Variants in ZNF479 observed in about 807,000 individuals in gnomAD.
The protein encoded by ZNF479 is KRAB zinc finger protein KR19.
A neutral mutation model predicts 14.7 loss-of-function variants in ZNF479; 15 were observed. That is an observed-to-expected ratio of 1.02 (90% confidence interval 0.68 to 1.57). The LOEUF is 1.57. Among genes scored for constraint, ZNF479 ranks in the 40% most tolerant of loss-of-function variants. The pLI is 0.00. For synonymous variants in ZNF479, 145 were observed against 211.5 expected, an observed-to-expected ratio of 0.69 and a Z score of 2.73; for missense variants, 506 against 615.1, an observed-to-expected ratio of 0.82 and a Z score of 1.88.
intron 3 of ZNF479, among the ~76,000 whole-genome samples, chr7:57,122,985 AAATC>A (rs1271266133): frequency 2.0e-5 from 3 of 152,310 alleles, no homozygotes; most frequent in East Asian, 1.9e-4. Context: ...TTTAAATAAA[AAATC>A]AATTAAAAAA....
upstream of ZNF479, among the ~76,000 whole-genome samples, chr7:57,133,528 A>G (rs1354741853): frequency 6.6e-6 from 1 of 152,216 alleles, no homozygotes; most frequent in Non-Finnish European, 1.5e-5. Flanking sequence ...TATAAGCCAC[A>G]TGTAAATTTT....
intron 1 of ZNF479, chr7:57,139,547 C>G (rs1583957840): frequency 6.6e-6 from 1 of 152,186 alleles, no homozygotes; most frequent in Non-Finnish European, 1.5e-5. Flanking sequence ...ATTTTCCCAG[C>G]CTCTGATTAA....
intron 1 of ZNF479, among the ~76,000 whole-genome samples, chr7:57,129,838 CAT>C (rs759017351): frequency 1.3e-5 from 2 of 152,034 alleles, no homozygotes; most frequent in African/African-American, 2.4e-5. Flanking sequence ...TACAAAAAAA[CAT>C]GTGAAAGGAT....
chr7:57,121,210 T>C (rs1320631222), intron 3 of ZNF479, 58 bp from the exon 4 acceptor site: 7 of 1,608,966 alleles, frequency 4.4e-6, no homozygotes, highest in Non-Finnish European at 5.9e-6. Flanking sequence ...AAATATATTC[T>C]ACACATGAAA....
At chr7:57,127,776 T>C (rs1193478299) in intron 1 of ZNF479, among the ~76,000 whole-genome samples, 2 of 152,036 alleles carry the variant, frequency 1.3e-5, no homozygotes, top group Non-Finnish European at 1.5e-5. Context: ...AAAAATGTCA[T>C]AGAGATCTTG....
In ZNF479 at chr7:57,118,994, T is replaced by C. The variant is rs1428883734; in HGVS notation, c.*846A>G. Among the ~76,000 whole-genome samples, 1 of 152,216 alleles carries C rather than the reference T, an allele frequency of 6.6e-6. No homozygotes were observed. The highest frequency in any genetic ancestry group is 1.5e-5 in the Non-Finnish European group (1 of 68,044). ...TTAAATGCTCTGTCACATTTTTATG[T>C]AAGCAGAGTTTCTCTCCAGTATAAA... On this transcript the variant is annotated 3_prime_UTR_variant, in exon 4 of 4. Transcript: ENST00000319636.
chr7:57,128,854 G>A (rs898289858), intron 1 of ZNF479, among the ~76,000 whole-genome samples: 2 of 152,146 alleles, frequency 1.3e-5, no homozygotes, highest in Admixed American at 6.6e-5. Context: ...ATGCTCACCT[G>A]AGAAAAAGTG....
At chr7:57,132,103 C>T (rs1176396397) in intron 1 of ZNF479, among the ~76,000 whole-genome samples, 183 bp downstream of exon 1, 1 of 152,102 alleles carries the variant, frequency 6.6e-6, no homozygotes. Context: ...CCCCAGGGTG[C>T]CAGGTGCTGG....
At chr7:57,132,909 C>T (rs959705390), upstream of ZNF479, among the ~76,000 whole-genome samples, 4 of 151,946 alleles carry the variant, frequency 2.6e-5, no homozygotes, top group South Asian at 2.1e-4. Flanking sequence ...AGGCCGAGGC[C>T]GGCAGGTCAC....
upstream of ZNF479, among the ~76,000 whole-genome samples, chr7:57,132,613 G>T (rs1786486240): frequency 6.6e-6 from 1 of 152,164 alleles, no homozygotes; most frequent in Non-Finnish European, 1.5e-5. Context: ...CTAGGCTGCA[G>T]CCTTCACAGG....
rs762216290 is a variant in ZNF479 at position 57,118,040 on chromosome 7, T to G, written c.*1800A>C. Reference sequence around the variant, plus strand: ...CCCTCAGATGCTTATATAGACTTAATTTTTGATTTAATATGTTTTCCCCAT... The same window carrying G: ...CCCTCAGATGCTTATATAGACTTAAGTTTTGATTTAATATGTTTTCCCCAT... On this transcript the variant is annotated 3_prime_UTR_variant, in exon 4 of 4. Transcript: ENST00000319636. Among the ~76,000 whole-genome samples the G allele has an allele frequency of 5.3e-5, 8 of 152,244 alleles. No homozygotes were observed. The highest frequency in any genetic ancestry group is 1.0e-4 in the Non-Finnish European group (7 of 68,044).
intron 1 of ZNF479, 143 bp downstream of exon 1, chr7:57,132,143 C>A (rs150561794): frequency 6.1e-6 from 9 of 1,469,498 alleles, no homozygotes; most frequent in Admixed American, 1.8e-5. Flanking sequence ...CTGGAGGGGA[C>A]GAGAGCCGAG....
intron 1 of ZNF479, among the ~76,000 whole-genome samples, 174 bp downstream of exon 1, chr7:57,132,112 G>A (rs928970919): frequency 6.6e-6 from 1 of 152,190 alleles, no homozygotes; most frequent in Admixed American, 6.5e-5. Flanking sequence ...GCCAGGTGCT[G>A]GCCCAGGCAC....
chr7:57,134,665 CTT>C (rs71053216), upstream of ZNF479, among the ~76,000 whole-genome samples: 1,713 of 106,374 alleles, frequency 0.016, 7 homozygotes, highest in African/African-American at 0.047. Flanking sequence ...TTTCTTCTAT[CTT>C]TTTTTTTTTT....
At chr7:57,138,944 G>A (rs1041866352) in intron 1 of ZNF479, among the ~76,000 whole-genome samples, 5 of 152,176 alleles carry the variant, frequency 3.3e-5, no homozygotes, top group African/African-American at 9.7e-5. Context: ...GAACAAAAAT[G>A]ACTCTCCTAC....
upstream of ZNF479, among the ~76,000 whole-genome samples, chr7:57,135,022 G>A (rs112574930): frequency 6.8e-3 from 1,039 of 152,080 alleles, 11 homozygotes; most frequent in African/African-American, 0.023. Flanking sequence ...CCCAATCTTC[G>A]TTTCTGAATT....
rs1554400529 is a variant in ZNF479 at position 57,121,101 on chromosome 7, T to C, written c.314A>G (p.Asp105Gly). The change falls in exon 4 of 4, where the codon GAT becomes GGT. Residue 105 changes from aspartate to glycine, a missense_variant. Physicochemically the swap from Asp to Gly is moderately conservative, Grantham distance 94. Around this residue, in one of 3 missense-constraint regions of ZNF479, gnomAD observed 420 missense variants for 474.2 expected, o/e 0.89. Transcript: ENST00000319636. ...TCTTGGTATTACTTTTTGGAGTGAA[T>C]CTTTGATGCCCTGCTCTGGCTGAAG... ...QDLQPEQGIK[D>G]SLQKVIPRTY... 1.9e-6 allele frequency: 3 copies of C among 1,613,884 alleles called. No individual in the cohort carries two copies. Among genetic ancestry groups the C allele is most frequent in the African/African-American group, 2.7e-5 (2 of 74,994 alleles).
intron 1 of ZNF479, among the ~76,000 whole-genome samples, chr7:57,129,630 G>A (rs949194409): frequency 2.6e-5 from 4 of 152,094 alleles, no homozygotes; most frequent in African/African-American, 9.7e-5. Context: ...TGTTTATTAA[G>A]CAGGTATTGT....
chr7:57,137,228 C>T (rs1786690635), upstream of ZNF479, among the ~76,000 whole-genome samples: 1 of 152,156 alleles, frequency 6.6e-6, no homozygotes, highest in African/African-American at 2.4e-5. Flanking sequence ...CTCTGCCTCG[C>T]AAGACCAAGA....
Sources: allele counts gnomAD v4.1 joint callset (sites outside exome capture counted in the v4.1 genomes callset), GRCh38; gene constraint gnomAD v4.1.1; regional missense constraint gnomAD v4.1.1; transcripts MANE v1.5; gene names NCBI Gene and HGNC (gene_info 2026-07-23, HGNC 2026-07-21).